DDX21: variants seen among roughly 807,000 people sequenced by gnomAD.
DDX21 encodes the protein DExD-box helicase 21.
Under a neutral mutation model 90.0 loss-of-function variants are expected in DDX21, and 18 were observed. That is an observed-to-expected ratio of 0.20 (90% CI 0.14 to 0.30). The LOEUF is 0.30. Among genes scored for constraint, DDX21 ranks in the 10% least tolerant of loss-of-function variants. The pLI, the probability that DDX21 is intolerant of heterozygous loss-of-function variation, is 1.00. For synonymous variants in DDX21, 294 were observed against 318.0 expected, an observed-to-expected ratio of 0.92 and a Z score of 0.80; for missense variants, 673 against 944.5, an observed-to-expected ratio of 0.71 and a Z score of 3.77.
chr10:68,957,629 A>C (rs375380038), intron 1 of DDX21, among the ~76,000 whole-genome samples: 1 of 152,236 alleles, frequency 6.6e-6, no homozygotes, highest in East Asian at 1.9e-4. Context: ...GGCATGCTCA[A>C]ATCCAGAGGT....
intron 13 of DDX21, among the ~76,000 whole-genome samples, chr10:68,979,937 C>T (rs1202860109): frequency 1.3e-5 from 2 of 152,154 alleles, no homozygotes; most frequent in Non-Finnish European, 2.9e-5. Flanking sequence ...CATGCTGAAC[C>T]TACTATTTAT....
At chr10:68,958,183 A>G (rs1842825992) in intron 1 of DDX21, among the ~76,000 whole-genome samples, 1 of 151,834 alleles carries the variant, frequency 6.6e-6, no homozygotes, top group Non-Finnish European at 1.5e-5. Context: ...CATGTTGGTC[A>G]GGTTGGTTTC....
At position 68,963,310 on chromosome 10, in the gene DDX21, A is replaced by G. The variant is rs1223814484; in HGVS notation, c.627A>G (p.Leu209=). 1.9e-6 allele frequency: 3 copies of G among 1,612,424 alleles called. No individual in the cohort carries two copies. The highest frequency in any genetic ancestry group is 1.1e-5 in the South Asian group (1 of 90,850). Residue 209 remains leucine, a synonymous_variant, in exon 4 of 15, where the codon CTA becomes CTG. Coordinates refer to ENST00000354185, the MANE Select transcript of DDX21 (RefSeq NM_004728.4). ...KLLKGRGVTF[L]FPIQAKTFHH... is the part of the protein sequence containing the mutation. The stretch of plus-strand genomic sequence containing the variant: ...TCATAGGCCGAGGAGTGACCTTCCT[A>G]TTTCCTATACAAGCAAAGACATTCC...
chr10:68,972,043 T>C lies in DDX21; in HGVS notation c.1539T>C (p.Ser513=). The change falls in exon 9 of 15, where the codon TCT becomes TCC. Residue 513 remains serine, a synonymous_variant. Coordinates refer to ENST00000354185, the MANE Select transcript of DDX21 (RefSeq NM_004728.4). The part of the protein sequence containing the change: ...IPEVDLVIQS[S]PPKDVESYIH... ...AGGTTGATTTGGTTATACAAAGCTC[T>C]CCACCAAAGGTATGTGCTTTATGCT... is the stretch of plus-strand genomic sequence containing the variant. 6.2e-7 allele frequency: 1 copy of C among 1,613,880 alleles called. No homozygotes were observed. The highest frequency in any genetic ancestry group is 8.5e-7 in the Non-Finnish European group (1 of 1,179,834).
In DDX21 at chr10:68,961,562, G is replaced by A. The variant is rs1842872407; in HGVS notation, c.532-520G>A. On this transcript the variant is annotated intron_variant, in intron 2 of 14. Transcript: ENST00000354185. ...TCTAGCTAAGCATTTTCCTCGTTAA[G>A]TACGCTTAATGGTTACATAATCCTT... 2.0e-5 allele frequency among the ~76,000 whole-genome samples: 3 copies of A among 152,098 alleles called. No individual in the cohort carries two copies. In the South Asian group the frequency reaches 6.2e-4, roughly 31 times the overall value.
chr10:68,980,255 A>T (rs1055619865), intron 13 of DDX21, among the ~76,000 whole-genome samples: 5 of 151,936 alleles, frequency 3.3e-5, no homozygotes, highest in African/African-American at 9.7e-5. Context: ...AAAAAATTTT[A>T]TATATATATA....
rs201932275 is a variant in DDX21, at chr10:68,972,087, G to GTT, written c.1548+42_1548+43dup. The GTT allele has an allele frequency of 2.2e-5, 35 of 1,575,644 alleles. No individual in the cohort carries two copies. In the African/African-American group the frequency reaches 2.9e-4, roughly 13 times the overall value. ...TTATGCTTAGATTTTATTTTGTTTT[G>GTT]TTTTTTTTGGGTATTAAAACAAATT... On this transcript the variant is annotated intron_variant, in intron 9 of 14. Transcript: ENST00000354185.
At position 68,956,419 on chromosome 10, in the gene DDX21, G is replaced by A. The variant is rs1842794676; in HGVS notation, c.87+107G>A. On this transcript the variant is annotated intron_variant, in intron 1 of 14. Coordinates refer to ENST00000354185, the MANE Select transcript of DDX21 (RefSeq NM_004728.4). The stretch of plus-strand genomic sequence containing the variant: ...TCGTGGGAGCGCGCGGCGGATAACA[G>A]CGCGTCCAGACACCGGGCGTGGGTC... 42 of 1,541,944 alleles carry A rather than the reference G, an allele frequency of 2.7e-5. 1 individual carries two copies. The South Asian group carries it at 4.6e-4, about 17-fold the overall frequency.
chr10:68,971,895 C>T lies in DDX21; in HGVS notation c.1391C>T (p.Ala464Val), dbSNP rs775894973. 8 of 1,613,204 alleles carry T rather than the reference C, an allele frequency of 5.0e-6. No individual in the cohort carries two copies. Among genetic ancestry groups the T allele is most frequent in the Non-Finnish European group, 4.2e-6 (5 of 1,179,468 alleles). Reference sequence around the variant, plus strand: ...CATCCGTTTATTTATTGGCAGGATGCTCAGTCCTTGCATGGAGACATTCCA... The same window carrying T: ...CATCCGTTTATTTATTGGCAGGATGTTCAGTCCTTGCATGGAGACATTCCA... ...LSQNSAIKQD[A>V]QSLHGDIPQK... Residue 464 changes from alanine to valine, a missense_variant, in exon 9 of 15, where the codon GCT (alanine) becomes GTT (valine). Coordinates refer to ENST00000354185, the MANE Select transcript of DDX21 (RefSeq NM_004728.4).
At chr10:68,966,868 A>AG (rs1420909100) in intron 5 of DDX21, 150 bp from the exon 6 acceptor site, 7 of 522,844 alleles carry the variant, frequency 1.3e-5, no homozygotes, top group Non-Finnish European at 2.2e-5. Flanking sequence ...GAGTGCCATG[A>AG]GTATCTTTAT....
intron 8 of DDX21, among the ~76,000 whole-genome samples, chr10:68,970,830 T>C (rs1207228938): frequency 6.6e-6 from 1 of 152,036 alleles, no homozygotes; most frequent in African/African-American, 2.4e-5. Flanking sequence ...TTTTTGTATT[T>C]TTAGTAGAGA....
rs1843121742 is a variant in DDX21 at position 68,977,636 on chromosome 10, A to G, written c.1850A>G (p.His617Arg). 1.2e-6 allele frequency: 2 copies of G among 1,613,748 alleles called. No individual in the cohort carries two copies. Among genetic ancestry groups the G allele is most frequent in the Non-Finnish European group, 1.7e-6 (2 of 1,179,774 alleles). Residue 617 changes from histidine (H) to arginine (R), a missense_variant, in exon 12 of 15, where the codon CAT becomes CGT. Around this residue, in one of 4 missense-constraint regions of DDX21, gnomAD observed 225 missense variants for 298.8 expected, o/e 0.75. Coordinates refer to ENST00000354185, the MANE Select transcript of DDX21 (RefSeq NM_004728.4). Reference sequence around the variant, plus strand: ...GAAGCTCTGGCAGCAGCACTGGCCCATATTTCAGGTGCCACGTCCGTAGAC... The same window carrying G: ...GAAGCTCTGGCAGCAGCACTGGCCCGTATTTCAGGTGCCACGTCCGTAGAC... ...AVEALAAALA[H>R]ISGATSVDQR...
At position 68,977,643 on chromosome 10, in the gene DDX21, A is replaced by C. The variant is rs1843121825; in HGVS notation, c.1857A>C (p.Ser619=). 1.2e-6 allele frequency: 2 copies of C among 1,613,724 alleles called. No homozygotes were observed. The highest frequency in any genetic ancestry group is 1.7e-6 in the Non-Finnish European group (2 of 1,179,686). ...EALAAALAHI[S]GATSVDQRSL... is the part of the protein sequence containing the mutation. Reference sequence around the variant, plus strand: ...TGGCAGCAGCACTGGCCCATATTTCAGGTGCCACGTCCGTAGACCAGCGCT... The same window carrying C: ...TGGCAGCAGCACTGGCCCATATTTCCGGTGCCACGTCCGTAGACCAGCGCT... The change falls in exon 12 of 15, where the codon TCA becomes TCC. Residue 619 remains serine (S), a synonymous_variant. Coordinates refer to ENST00000354185, the MANE Select transcript of DDX21 (RefSeq NM_004728.4).
chr10:68,983,480 CATAG>C lies in DDX21; in HGVS notation c.*673_*676del, dbSNP rs991992155. On this transcript the variant is annotated 3_prime_UTR_variant, in exon 15 of 15. Coordinates refer to ENST00000354185, the MANE Select transcript of DDX21 (RefSeq NM_004728.4). ...GTGATTCATGCTTTAGTGAATTCTT[CATAG>C]ATAGTATATATAAAAGTACATTTTA... 1 of 152,068 alleles carries C rather than the reference CATAG, an allele frequency of 6.6e-6. No homozygotes were observed. The highest frequency in any genetic ancestry group is 2.4e-5 in the African/African-American group (1 of 41,374). 9.4% of individuals were successfully genotyped at this position (152,068 alleles called of 1,614,324 possible).
At position 68,982,909 on chromosome 10, in the gene DDX21, T is replaced by G; in HGVS notation, c.*97T>G. On this transcript the variant is annotated 3_prime_UTR_variant, in exon 15 of 15. Coordinates refer to ENST00000354185, the MANE Select transcript of DDX21 (RefSeq NM_004728.4). ...TGCAAAGTTAAAAGCACATTGTGCCTCCTTTTGACCACTTGCCAAGTCCCT... is the reference window on the plus strand; with the variant it reads ...TGCAAAGTTAAAAGCACATTGTGCCGCCTTTTGACCACTTGCCAAGTCCCT... 2 of 1,478,678 alleles carry G rather than the reference T, an allele frequency of 1.4e-6. No individual in the cohort carries two copies. The highest frequency in any genetic ancestry group is 1.8e-6 in the Non-Finnish European group (2 of 1,099,488). 91.6% of individuals were successfully genotyped at this position (1,478,678 alleles called of 1,614,324 possible).
Position 68,959,948 on chromosome 10 carries a change from CA to C in DDX21, c.236del (p.Lys79ArgfsTer17). ...ATGAATTCTCCTAAATCCAAAAAGGCAAAAAAGAAAGAGGAGCCATCTCAAA... is the reference window on the plus strand; with the variant it reads ...ATGAATTCTCCTAAATCCAAAAAGGCAAAAAGAAAGAGGAGCCATCTCAAA... ...VDMNSPKSKK[A>X]KKKEEPSQND... On this transcript the variant is annotated frameshift_variant, in exon 2 of 15. Transcript: ENST00000354185. LOFTEE classifies it high-confidence loss of function. The C allele has an allele frequency of 1.2e-6, 2 of 1,609,540 alleles. No homozygotes were observed. Among genetic ancestry groups the C allele is most frequent in the Admixed American group, 1.7e-5 (1 of 59,270 alleles).
intron 12 of DDX21, among the ~76,000 whole-genome samples, chr10:68,977,914 C>T (rs1182230499): frequency 2.6e-5 from 4 of 151,712 alleles, no homozygotes; most frequent in African/African-American, 9.7e-5. Flanking sequence ...TTGAGATCAG[C>T]CTGGGCAACC....
At chr10:68,969,492 A>G (rs1264094510) in intron 7 of DDX21, among the ~76,000 whole-genome samples, 1 of 152,050 alleles carries the variant, frequency 6.6e-6, no homozygotes, top group Non-Finnish European at 1.5e-5. Flanking sequence ...GTTGGCCAGG[A>G]TAGTCTCAAT....
chr10:68,956,597 G>T (rs2132076028), intron 1 of DDX21: 1 of 1,249,746 alleles, frequency 8.0e-7, no homozygotes, highest in East Asian at 3.9e-5. Context: ...GTTGGAGCTC[G>T]GGAGAGGGCC....
Sources: gnomAD v4.1 joint callset for allele counts (sites outside exome capture counted in the v4.1 genomes callset) on GRCh38, gnomAD v4.1.1 for gene constraint, gnomAD v4.1.1 regional missense constraint, MANE v1.5 for transcripts, NCBI Gene and HGNC (gene_info 2026-07-23, HGNC 2026-07-21) for gene names.